The following USH2A variants were observed in gnomAD, a reference collection of about 807,000 sequenced individuals.
The protein encoded by USH2A is Usher syndrome 2A (autosomal recessive, mild).
A neutral mutation model predicts 538.9 loss-of-function variants in USH2A; 443 were observed. The observed-to-expected ratio is 0.82, with a 90% CI of 0.76 to 0.89. USH2A has a LOEUF of 0.89. USH2A is among the 40% of genes least tolerant of loss of function. The pLI is 0.00. For synonymous variants in USH2A, 2,413 were observed against 2,273.5 expected (o/e 1.06, Z -1.75); for missense variants, 6,633 against 6,324.8 (o/e 1.05, Z -1.65).
At chr1:216,050,569 T>TTTC (rs1558231687) in intron 30 of USH2A, among the ~76,000 whole-genome samples, 3 of 38,810 alleles carry the variant, frequency 7.7e-5, no homozygotes, top group African/African-American at 2.7e-4. Context: ...TTTTTCTTTC[T>TTTC]TTCTTTCTTT....
intron 3 of USH2A, among the ~76,000 whole-genome samples, chr1:216,392,769 G>A (rs758127944): frequency 6.6e-6 from 1 of 152,070 alleles, no homozygotes; most frequent in African/African-American, 2.4e-5. Context: ...ATTAATATCA[G>A]AGCAAAATTA....
chr1:216,236,758 T>C (rs2035827826), intron 13 of USH2A, among the ~76,000 whole-genome samples: 1 of 152,068 alleles, frequency 6.6e-6, no homozygotes, highest in South Asian at 2.1e-4. Context: ...CAGCAACAGA[T>C]GGAACAGAGC....
intron 21 of USH2A, among the ~76,000 whole-genome samples, chr1:216,114,738 G>A (rs907265680): frequency 2.6e-5 from 4 of 152,130 alleles, no homozygotes; most frequent in Non-Finnish European, 2.9e-5. Flanking sequence ...GGATTCACCA[G>A]TGCAAACACC....
chr1:215,949,953 A>G (rs927900477), intron 37 of USH2A, among the ~76,000 whole-genome samples: 20 of 152,148 alleles, frequency 1.3e-4, no homozygotes, highest in African/African-American at 4.8e-4. Context: ...CATATGGAAA[A>G]TGTTTGGTCT....
intron 13 of USH2A, among the ~76,000 whole-genome samples, chr1:216,233,883 T>C (rs2102525537): frequency 6.6e-6 from 1 of 152,174 alleles, no homozygotes; most frequent in South Asian, 2.1e-4. Flanking sequence ...TATGTGTACA[T>C]ATACATATAC....
chr1:216,119,017 G>C (rs1457626277), intron 21 of USH2A, among the ~76,000 whole-genome samples: 2 of 152,164 alleles, frequency 1.3e-5, no homozygotes, highest in African/African-American at 2.4e-5. Context: ...CAAAGGACTG[G>C]CTACATTCTA....
At chr1:216,146,931 C>A (rs1337976121) in intron 21 of USH2A, among the ~76,000 whole-genome samples, 1 of 152,124 alleles carries the variant, frequency 6.6e-6, no homozygotes, top group African/African-American at 2.4e-5. Flanking sequence ...CCACTTGACC[C>A]CAATACAAAC....
chr1:215,795,952 G>A (rs528035321), intron 50 of USH2A, among the ~76,000 whole-genome samples: 2 of 152,076 alleles, frequency 1.3e-5, no homozygotes, highest in African/African-American at 2.4e-5. Context: ...ATTTATTAAT[G>A]CATTTAGACA....
chr1:216,139,415 G>GA (rs1045191339), intron 21 of USH2A, among the ~76,000 whole-genome samples: 9 of 117,358 alleles, frequency 7.7e-5, no homozygotes, highest in Middle Eastern at 5.3e-3. Flanking sequence ...CCCCTCTACA[G>GA]AAAAAAAAAG....
At chr1:215,872,979 T>C (rs1664661895) in intron 43 of USH2A, among the ~76,000 whole-genome samples, 1 of 152,150 alleles carries the variant, frequency 6.6e-6, no homozygotes, top group Non-Finnish European at 1.5e-5. Flanking sequence ...TTGTACAGCC[T>C]GCAGAACCAT....
At chr1:215,865,636 G>A (rs545161688) in intron 44 of USH2A, among the ~76,000 whole-genome samples, 1 of 152,068 alleles carries the variant, frequency 6.6e-6, no homozygotes, top group Non-Finnish European at 1.5e-5. Flanking sequence ...TTTCCCAGAG[G>A]TGTTTCAGAG....
intron 56 of USH2A, among the ~76,000 whole-genome samples, chr1:215,760,059 C>G (rs1277211905): frequency 6.6e-6 from 1 of 152,150 alleles, no homozygotes; most frequent in Non-Finnish European, 1.5e-5. Context: ...TGTCAGACAA[C>G]TAGCAGTGGA....
intron 22 of USH2A, among the ~76,000 whole-genome samples, chr1:216,093,505 T>C (rs1401835399): frequency 6.6e-6 from 1 of 152,182 alleles, no homozygotes; most frequent in Non-Finnish European, 1.5e-5. Flanking sequence ...CCGTAAAGGA[T>C]ATGAAAACAA....
intron 3 of USH2A, among the ~76,000 whole-genome samples, chr1:216,369,099 A>G (rs1571748234): frequency 1.3e-5 from 2 of 152,144 alleles, no homozygotes; most frequent in South Asian, 4.1e-4. Flanking sequence ...AGAAGAGAAA[A>G]CTTTATGGAG....
intron 20 of USH2A, among the ~76,000 whole-genome samples, chr1:216,188,046 TA>T (rs892323093): frequency 2.6e-5 from 4 of 151,576 alleles, no homozygotes; most frequent in East Asian, 1.9e-4. Context: ...TTTTCAAGGA[TA>T]AAAAAAATAG....
intron 38 of USH2A, among the ~76,000 whole-genome samples, chr1:215,931,435 A>T (rs1260375873): frequency 6.6e-6 from 1 of 151,934 alleles, no homozygotes; most frequent in African/African-American, 2.4e-5. Flanking sequence ...AAAAGTAACC[A>T]CTATAGGGAA....
intron 64 of USH2A, among the ~76,000 whole-genome samples, chr1:215,653,367 T>G (rs1657140212): frequency 6.6e-6 from 1 of 152,246 alleles, no homozygotes. Context: ...CTATTTTGTC[T>G]TTGGCAGGAG....
rs949542220 is a variant in USH2A, at chr1:216,073,106, G to C, written c.5767C>G (p.Pro1923Ala). 6.2e-7 allele frequency: 1 copy of C among 1,613,676 alleles called. No individual in the cohort carries two copies. The highest frequency in any genetic ancestry group is 8.5e-7 in the Non-Finnish European group (1 of 1,179,942). The change falls in exon 28 of 72, where the codon CCT becomes GCT. Residue 1923 changes from proline to alanine, a missense_variant. By Grantham distance (27) the Pro-to-Ala change is conservative (BLOSUM62 -1). Transcript: ENST00000307340. ...EQSVYEGGLQ[P>A]FTEYLYRVIA... ...AGGACCTCCACATTACCTGTAAAAGGCTGGAGACCACCCTCGTAAACACTC... is the reference window on the plus strand; with the variant it reads ...AGGACCTCCACATTACCTGTAAAAGCCTGGAGACCACCCTCGTAAACACTC...
chr1:215,965,923 TCACACACA>T (rs34484768), intron 36 of USH2A, among the ~76,000 whole-genome samples: 73 of 142,570 alleles, frequency 5.1e-4, no homozygotes, highest in African/African-American at 8.4e-4. Context: ...CTCTTCTCTG[TCACACACA>T]CACACACACA....
Sources: allele counts gnomAD v4.1 joint callset (sites outside exome capture counted in the v4.1 genomes callset), GRCh38; gene constraint gnomAD v4.1.1; transcripts MANE v1.5; gene names NCBI Gene and HGNC (gene_info 2026-07-23, HGNC 2026-07-21).